Variants in ERCC6L2 observed in about 807,000 individuals in gnomAD.
The protein encoded by ERCC6L2 is ERCC excision repair 6 like 2, also known as DNA excision repair protein ERCC-6-like 2.
In ERCC6L2, 77 loss-of-function variants were observed where a neutral mutation model predicts 132.0. The ratio of observed to expected loss-of-function variants is 0.58; its 90% CI spans 0.49 to 0.71. The LOEUF is 0.71. ERCC6L2 is among the 30% of genes least tolerant of loss of function. The pLI, the probability that ERCC6L2 is intolerant of heterozygous loss-of-function variation, is 0.00. For synonymous variants in ERCC6L2, 583 were observed against 632.4 expected, an observed-to-expected ratio of 0.92 and a Z score of 1.17; for missense variants, 1,542 against 1,837.6, an observed-to-expected ratio of 0.84 and a Z score of 2.94.
At chr9:95,938,878 T>G (rs1564243256) in intron 11 of ERCC6L2, among the ~76,000 whole-genome samples, 1 of 152,188 alleles carries the variant, frequency 6.6e-6, no homozygotes, top group Non-Finnish European at 1.5e-5. Context: ...CTAGTTCCAC[T>G]GTTTCTCTTA....
intron 17 of ERCC6L2, among the ~76,000 whole-genome samples, chr9:95,990,172 C>G (rs1833241117): frequency 6.6e-6 from 1 of 152,186 alleles, no homozygotes; most frequent in Non-Finnish European, 1.5e-5. Flanking sequence ...GTGAAGAAGG[C>G]CAGGAGCCAG....
intron 2 of ERCC6L2, among the ~76,000 whole-genome samples, chr9:95,883,613 C>T (rs1234442053): frequency 4.6e-5 from 7 of 152,196 alleles, no homozygotes. Context: ...GTAATCCCAG[C>T]ACTTTGGGAG....
At chr9:95,896,716 G>A (rs1054654493) in intron 2 of ERCC6L2, among the ~76,000 whole-genome samples, 2 of 152,166 alleles carry the variant, frequency 1.3e-5, no homozygotes, top group African/African-American at 4.8e-5. Flanking sequence ...GAGCCACTGT[G>A]GCCAGACCAG....
chr9:95,983,100 G>A (rs768143837), intron 17 of ERCC6L2, among the ~76,000 whole-genome samples: 8 of 152,262 alleles, frequency 5.3e-5, no homozygotes, highest in African/African-American at 1.2e-4. Context: ...GGGGTGATGC[G>A]TAAATAAGTC....
intron 20 of ERCC6L2, among the ~76,000 whole-genome samples, chr9:96,039,415 A>T (rs1033729805): frequency 3.9e-5 from 6 of 152,286 alleles, no homozygotes; most frequent in African/African-American, 1.2e-4. Flanking sequence ...GGCGTAGAGA[A>T]GAGAGTGGAG....
At position 95,915,846 on chromosome 9, in the gene ERCC6L2, T is replaced by C; in HGVS notation, c.950+17T>C. On this transcript the variant is annotated intron_variant, in intron 5 of 18. Coordinates refer to ENST00000653738, the MANE Select transcript of ERCC6L2 (RefSeq NM_020207.7). ...TATGGACTGGTGAGAGAAAACACTTTTTAAAAAATTGTTTAATAGTTCTTC... is the reference window on the plus strand; with the variant it reads ...TATGGACTGGTGAGAGAAAACACTTCTTAAAAAATTGTTTAATAGTTCTTC... 1.3e-6 allele frequency: 2 copies of C among 1,572,208 alleles called. No individual in the cohort carries two copies. Among genetic ancestry groups the C allele is most frequent in the Non-Finnish European group, 1.7e-6 (2 of 1,163,198 alleles).
intron 2 of ERCC6L2, among the ~76,000 whole-genome samples, chr9:95,895,566 ATTC>A (rs1828408287): frequency 6.6e-6 from 1 of 151,322 alleles, no homozygotes; most frequent in Non-Finnish European, 1.5e-5. Flanking sequence ...ACATTCTTTT[ATTC>A]TTCTATTAAT....
At chr9:95,995,276 C>G (rs1414087675) in intron 17 of ERCC6L2, among the ~76,000 whole-genome samples, 1 of 152,106 alleles carries the variant, frequency 6.6e-6, no homozygotes, top group Non-Finnish European at 1.5e-5. Flanking sequence ...TGGTTTAGAT[C>G]TAATGCCTTA....
intron 17 of ERCC6L2, among the ~76,000 whole-genome samples, chr9:95,988,129 G>A (rs926780812): frequency 3.3e-5 from 5 of 152,276 alleles, no homozygotes; most frequent in South Asian, 2.1e-4. Flanking sequence ...AGGGGCTGCC[G>A]CAAAGGTCTC....
chr9:95,973,410 A>T (rs965686604), intron 16 of ERCC6L2, among the ~76,000 whole-genome samples: 1 of 152,138 alleles, frequency 6.6e-6, no homozygotes, highest in African/African-American at 2.4e-5. Flanking sequence ...GTGCATCCCC[A>T]GGTGAATTAA....
intron 16 of ERCC6L2, 79 bp downstream of exon 16, chr9:95,973,167 C>A: frequency 1.0e-6 from 1 of 977,660 alleles, no homozygotes; most frequent in Non-Finnish European, 1.4e-6. Flanking sequence ...TTTGAATTAA[C>A]TTGTAAAACA....
chr9:95,893,489 C>T (rs545275199), intron 2 of ERCC6L2, among the ~76,000 whole-genome samples: 1 of 152,128 alleles, frequency 6.6e-6, no homozygotes, highest in Admixed American at 6.5e-5. Context: ...AGTATTTTCC[C>T]CTTTTTCTAA....
rs371476454 is a variant in ERCC6L2, at chr9:96,015,631, TA to T, written c.*2442del. Among the ~76,000 whole-genome samples, 132 of 142,858 alleles carry T rather than the reference TA, an allele frequency of 9.2e-4. No individual in the cohort carries two copies. Among genetic ancestry groups the T allele is most frequent in the East Asian group, 1.1e-3 (5 of 4,726 alleles). 93.7% of individuals were successfully genotyped at this position (142,858 alleles called of 152,430 possible). A position where few individuals can be genotyped will look rare whatever the true frequency, so the allele number is the denominator to read the frequency against. Reference sequence around the variant, plus strand: ...TAACGCGGTGAAACCCCGTCTCTACTAAAAAAAAAAAAAATACAAAAATTAG... The same window carrying T: ...TAACGCGGTGAAACCCCGTCTCTACTAAAAAAAAAAAAATACAAAAATTAG... On this transcript the variant is annotated 3_prime_UTR_variant, in exon 19 of 19. Coordinates refer to ENST00000653738, the MANE Select transcript of ERCC6L2 (RefSeq NM_020207.7).
In ERCC6L2 at chr9:95,922,388, A is replaced by T; in HGVS notation, c.1383A>T (p.Leu461=). ...AGAAGGTAGCTAACCATGTCGCGCTACTGCAAGCTGCTAGTACTTCCAAAC... is the reference window on the plus strand; with the variant it reads ...AGAAGGTAGCTAACCATGTCGCGCTTCTGCAAGCTGCTAGTACTTCCAAAC... The part of the protein sequence containing the change: ...VLQKVANHVA[L]LQAASTSKQQ... Residue 461 remains leucine (L), a synonymous_variant, in exon 8 of 19, where the codon CTA becomes CTT. Transcript: ENST00000653738. The T allele has an allele frequency of 6.2e-7, 1 of 1,612,556 alleles. No individual in the cohort carries two copies. Among genetic ancestry groups the T allele is most frequent in the Non-Finnish European group, 8.5e-7 (1 of 1,178,704 alleles).
chr9:96,029,956 C>T (rs987570537), intron 19 of ERCC6L2, among the ~76,000 whole-genome samples: 2 of 152,188 alleles, frequency 1.3e-5, no homozygotes, highest in Non-Finnish European at 2.9e-5. Context: ...CAGCCACCTC[C>T]TCTATTTAGC....
downstream of ERCC6L2, among the ~76,000 whole-genome samples, chr9:96,022,590 T>G (rs888930000): frequency 1.3e-5 from 2 of 152,278 alleles, no homozygotes; most frequent in South Asian, 4.1e-4. Context: ...GCGGGAGCCA[T>G]GACCCTTCCT....
In ERCC6L2 at chr9:95,910,046, A is replaced by G. The variant is rs62562965; in HGVS notation, c.788+2775A>G. ...ATGTGCACTTGGAAAACAATGTTCT[A>G]TAGTTATTGGATGTAGTGTTTATAA... On this transcript the variant is annotated intron_variant, in intron 4 of 18. Coordinates refer to ENST00000653738, the MANE Select transcript of ERCC6L2 (RefSeq NM_020207.7). Among the ~76,000 whole-genome samples, 1,003 of 152,318 alleles carry G rather than the reference A, an allele frequency of 6.6e-3. 9 individuals are homozygous for G. The highest frequency in any genetic ancestry group is 0.012 in the Non-Finnish European group (788 of 68,024).
chr9:95,999,452 A>T (rs567564698), intron 17 of ERCC6L2, among the ~76,000 whole-genome samples: 1,554 of 152,334 alleles, frequency 0.01, 20 homozygotes, highest in Middle Eastern at 0.041. Context: ...CACGTGTCTA[A>T]TAGCTATGGT....
intron 19 of ERCC6L2, among the ~76,000 whole-genome samples, chr9:96,035,675 C>A (rs902720869): frequency 6.6e-6 from 1 of 152,196 alleles, no homozygotes; most frequent in Non-Finnish European, 1.5e-5. Context: ...CAATAAACTC[C>A]TTTTCATCAT....
Sources: gnomAD v4.1 joint callset for allele counts (sites outside exome capture counted in the v4.1 genomes callset) on GRCh38, gnomAD v4.1.1 for gene constraint, MANE v1.5 for transcripts, NCBI Gene and HGNC (gene_info 2026-07-23, HGNC 2026-07-21) for gene names.